MPDZ: variants seen among roughly 807,000 people sequenced by gnomAD.
MPDZ encodes the protein multiple PDZ domain protein.
Under a neutral mutation model 239.1 loss-of-function variants are expected in MPDZ, and 234 were observed. That is an observed-to-expected ratio of 0.98 (90% CI 0.88 to 1.09). The LOEUF is 1.09. Ranked by LOEUF, MPDZ falls within the 50% of genes least tolerant of loss-of-function variation. MPDZ has a pLI of 0.00. For synonymous variants in MPDZ, 1,048 were observed against 881.3 expected, an observed-to-expected ratio of 1.19 and a Z score of -3.35; for missense variants, 3,175 against 2,510.0, an observed-to-expected ratio of 1.26 and a Z score of -5.66.
At chr9:13,214,481 C>G (rs1958029243) in intron 10 of MPDZ, among the ~76,000 whole-genome samples, 2 of 151,814 alleles carry the variant, frequency 1.3e-5, no homozygotes, top group Non-Finnish European at 2.9e-5. Flanking sequence ...GAAAAATGTT[C>G]TAGAATTCAC....
intron 1 of MPDZ, among the ~76,000 whole-genome samples, chr9:13,255,904 T>C (rs1041926913): frequency 2.0e-5 from 3 of 152,220 alleles, no homozygotes; most frequent in Admixed American, 1.3e-4. Flanking sequence ...AGAGCCTCTT[T>C]AAAGCTTTGA....
At chr9:13,181,869 C>A (rs962316556) in intron 19 of MPDZ, among the ~76,000 whole-genome samples, 1 of 152,160 alleles carries the variant, frequency 6.6e-6, no homozygotes, top group African/African-American at 2.4e-5. Flanking sequence ...GAGATGAACT[C>A]AGCTTCCAGC....
In MPDZ at chr9:13,222,009, T is replaced by G. The variant is rs549254642; in HGVS notation, c.747+224A>C. On this transcript the variant is annotated intron_variant, in intron 6 of 46. Coordinates refer to ENST00000319217, the MANE Select transcript of MPDZ (RefSeq NM_001378778.1). ...GACTACATTTTTCATTTTTAAGGAA[T>G]GCTGTCAAAGGACAAAACTACACAA... 5.5e-4 allele frequency among the ~76,000 whole-genome samples: 84 copies of G among 152,206 alleles called. 2 individuals are homozygous for G. In the South Asian group the frequency reaches 0.017, roughly 31 times the overall value.
At chr9:13,253,092 T>C (rs912120560) in intron 1 of MPDZ, among the ~76,000 whole-genome samples, 2 of 152,174 alleles carry the variant, frequency 1.3e-5, no homozygotes, top group African/African-American at 4.8e-5. Flanking sequence ...CACTGATTTA[T>C]GAGAAGTCTG....
At position 13,279,386 on chromosome 9, in the gene MPDZ, C is replaced by G. The variant is rs1471710072; in HGVS notation, c.-58+14G>C. 2 of 145,452 alleles carry G rather than the reference C, an allele frequency of 1.4e-5. No homozygotes were observed. Among genetic ancestry groups the G allele is most frequent in the Non-Finnish European group, 3.0e-5 (2 of 65,700 alleles). The allele number at this position is 145,452 out of a possible 1,614,324, so 9.0% of individuals were successfully genotyped here. On this transcript the variant is annotated intron_variant, in intron 1 of 46. Coordinates refer to ENST00000319217, the MANE Select transcript of MPDZ (RefSeq NM_001378778.1). ...GCGCCTCGGCCTCTGGGCCGGGGCT[C>G]AAGCGCCGCTTACCCGGCTCGCGGC...
chr9:13,243,174 C>A (rs1002762395), intron 3 of MPDZ, among the ~76,000 whole-genome samples: 1 of 152,082 alleles, frequency 6.6e-6, no homozygotes, highest in Non-Finnish European at 1.5e-5. Context: ...GTTCTATTTT[C>A]CCCTCTAGAT....
In MPDZ at chr9:13,106,957, C is replaced by A; in HGVS notation, c.*8G>T. 5 of 1,612,912 alleles carry A rather than the reference C, an allele frequency of 3.1e-6. No homozygotes were observed. The highest frequency in any genetic ancestry group is 4.2e-6 in the Non-Finnish European group (5 of 1,179,122). On this transcript the variant is annotated 3_prime_UTR_variant, in exon 47 of 47. Transcript: ENST00000319217. ...AGGGGTTGGGTTGGTTCAATTCTGG[C>A]AGCCAATTCAAGAGAGAACCATCAA...
intron 25 of MPDZ, among the ~76,000 whole-genome samples, chr9:13,149,181 T>G (rs1948824596): frequency 6.6e-6 from 1 of 151,834 alleles, no homozygotes; most frequent in African/African-American, 2.4e-5. Flanking sequence ...CTCTTCCTTA[T>G]AAACGGTCAT....
At chr9:13,244,635 T>C (rs1321441918) in intron 3 of MPDZ, among the ~76,000 whole-genome samples, 1 of 152,198 alleles carries the variant, frequency 6.6e-6, no homozygotes, top group Non-Finnish European at 1.5e-5. Context: ...CTTCAGGGCA[T>C]GGCTTTTTTG....
intron 23 of MPDZ, among the ~76,000 whole-genome samples, chr9:13,160,566 T>C (rs920009014): frequency 9.9e-5 from 15 of 151,702 alleles, no homozygotes; most frequent in African/African-American, 3.6e-4. Flanking sequence ...CAGAGGGACA[T>C]TGAAATAATT....
intron 3 of MPDZ, among the ~76,000 whole-genome samples, chr9:13,244,872 T>C (rs1301343353): frequency 6.6e-6 from 1 of 152,172 alleles, no homozygotes; most frequent in Non-Finnish European, 1.5e-5. Context: ...ATGCTGCATA[T>C]ACCTCAAGCT....
At chr9:13,262,269 C>T (rs1272195645) in intron 1 of MPDZ, among the ~76,000 whole-genome samples, 1 of 151,700 alleles carries the variant, frequency 6.6e-6, no homozygotes, top group Non-Finnish European at 1.5e-5. Context: ...TTGAGACCAC[C>T]CTGGGCAACA....
chr9:13,236,267 ATTTTTTTTTTTTT>A (rs1158772302), intron 3 of MPDZ, among the ~76,000 whole-genome samples: 1 of 20,098 alleles, frequency 5.0e-5, no homozygotes, highest in Non-Finnish European at 8.7e-5. Flanking sequence ...ATATATATAT[ATTTTTTTTTTTTT>A]TTTTTTTTTT....
chr9:13,177,646 G>T (rs1021080122), intron 19 of MPDZ, among the ~76,000 whole-genome samples: 2 of 152,142 alleles, frequency 1.3e-5, no homozygotes, highest in Non-Finnish European at 2.9e-5. Flanking sequence ...TTATTCCTAA[G>T]TATGAAAGAC....
rs139296767 is a variant in MPDZ at position 13,263,305 on chromosome 9, T to C, written c.-57-12933A>G. 5.2e-3 allele frequency among the ~76,000 whole-genome samples: 785 copies of C among 151,836 alleles called. 11 individuals are homozygous for C. The highest frequency in any genetic ancestry group is 0.018 in the African/African-American group (728 of 41,384). On this transcript the variant is annotated intron_variant, in intron 1 of 46. Coordinates refer to ENST00000319217, the MANE Select transcript of MPDZ (RefSeq NM_001378778.1). Reference sequence around the variant, plus strand: ...TATTACAAAAATAAGGCAGCCGATATGTGAAAATGTTAACAATATCTAGTT... The same window carrying C: ...TATTACAAAAATAAGGCAGCCGATACGTGAAAATGTTAACAATATCTAGTT...
At chr9:13,257,732 C>T (rs1969773338) in intron 1 of MPDZ, among the ~76,000 whole-genome samples, 1 of 152,090 alleles carries the variant, frequency 6.6e-6, no homozygotes, top group Non-Finnish European at 1.5e-5. Flanking sequence ...AAATTTTATA[C>T]CTTAATAGAG....
chr9:13,177,981 T>C (rs1311538502), intron 19 of MPDZ, among the ~76,000 whole-genome samples: 3 of 152,188 alleles, frequency 2.0e-5, no homozygotes, highest in African/African-American at 7.2e-5. Context: ...CTTAAAATGC[T>C]GGTACATATT....
chr9:13,178,411 T>C (rs1001222675), intron 19 of MPDZ, among the ~76,000 whole-genome samples: 1 of 152,188 alleles, frequency 6.6e-6, no homozygotes, highest in Admixed American at 6.6e-5. Context: ...TGTATTACTA[T>C]GTGTGTTCCT....
Position 13,186,367 on chromosome 9 carries a change from T to A in MPDZ, c.2384A>T (p.Tyr795Phe), listed in dbSNP as rs757745158. 1.3e-6 allele frequency: 2 copies of A among 1,580,724 alleles called. No homozygotes were observed. Among genetic ancestry groups the A allele is most frequent in the Non-Finnish European group, 1.7e-6 (2 of 1,162,286 alleles). Residue 795 changes from tyrosine to phenylalanine, a missense_variant, in exon 18 of 47, where the codon TAT becomes TTT. Transcript: ENST00000319217. ...KPLPLSPEEG[Y>F]VSAKEDSFLY... ...AAAGGAATCCTCCTTAGCAGAAACA[T>A]AACCTTCTTCTGGTGAAAGCTGCAG...
Sources: allele counts gnomAD v4.1 joint callset (sites outside exome capture counted in the v4.1 genomes callset), GRCh38; gene constraint gnomAD v4.1.1; transcripts MANE v1.5; gene names NCBI Gene and HGNC (gene_info 2026-07-23, HGNC 2026-07-21).